The following EXPH5 variants were observed in gnomAD, a reference collection of about 807,000 sequenced individuals.
The protein encoded by EXPH5 is exophilin-5.
In EXPH5, 42 loss-of-function variants were observed where a neutral mutation model predicts 41.1. The ratio of observed to expected loss-of-function variants is 1.02; its 90% CI spans 0.80 to 1.32. The LOEUF is 1.32. EXPH5 is among the 40% of genes most tolerant of loss of function. The pLI is 0.00. For synonymous variants in EXPH5, 798 were observed against 833.5 expected, an observed-to-expected ratio of 0.96 and a Z score of 0.73; for missense variants, 2,298 against 2,314.5, an observed-to-expected ratio of 0.99 and a Z score of 0.15.
At chr11:108,563,121 G>A (rs996384505) in intron 1 of EXPH5, among the ~76,000 whole-genome samples, 3 of 152,230 alleles carry the variant, frequency 2.0e-5, no homozygotes, top group Admixed American at 2.0e-4. Flanking sequence ...GATCTGTGAG[G>A]AGGCTTTCTC....
chr11:108,537,987 A>G (rs2093890022), intron 3 of EXPH5: 2 of 985,392 alleles, frequency 2.0e-6, no homozygotes, highest in South Asian at 4.7e-5. Context: ...TTTCCTTGCT[A>G]GTGACTCTGG....
At chr11:108,571,966 C>T (rs908914294) in intron 1 of EXPH5, among the ~76,000 whole-genome samples, 5 of 151,546 alleles carry the variant, frequency 3.3e-5, no homozygotes, top group African/African-American at 4.9e-5. Context: ...GGAAAAAAGG[C>T]GTGAACCCGG....
intron 3 of EXPH5, among the ~76,000 whole-genome samples, chr11:108,537,415 T>C (rs937084961): frequency 5.9e-5 from 9 of 152,200 alleles, no homozygotes; most frequent in Non-Finnish European, 1.2e-4. Context: ...TAAAACGTAT[T>C]TGAAGATGAC....
rs1421926594 is a variant in EXPH5, at chr11:108,505,613, A to G, written c.*3924T>C. Reference sequence around the variant, plus strand: ...AGATATACAGAACTGCCAGTCACAAAGAGCCACTAAGTGGCAATACAGCCA... The same window carrying G: ...AGATATACAGAACTGCCAGTCACAAGGAGCCACTAAGTGGCAATACAGCCA... On this transcript the variant is annotated 3_prime_UTR_variant, in exon 6 of 6. Coordinates refer to ENST00000265843, the MANE Select transcript of EXPH5 (RefSeq NM_015065.3). The G allele has an allele frequency of 4.6e-5, 7 of 152,234 alleles. No homozygotes were observed. Among genetic ancestry groups the G allele is most frequent in the Admixed American group, 3.9e-4 (6 of 15,284 alleles). The allele number at this position is 152,234 out of a possible 1,614,324, so 9.4% of individuals were successfully genotyped here. A position where few individuals can be genotyped will look rare whatever the true frequency, so the allele number is the denominator to read the frequency against.
chr11:108,524,925 A>G (rs939301959), intron 4 of EXPH5, among the ~76,000 whole-genome samples: 2 of 152,176 alleles, frequency 1.3e-5, no homozygotes, highest in African/African-American at 2.4e-5. Context: ...TCCCCAACCA[A>G]ATCTCATCTT....
intron 4 of EXPH5, 89 bp from the exon 5 acceptor site, chr11:108,518,462 A>G (rs2093742243): frequency 1.7e-6 from 2 of 1,207,610 alleles, no homozygotes; most frequent in Non-Finnish European, 2.4e-6. Context: ...CCCAAGCTTA[A>G]AAGTATTAGT....
At chr11:108,565,042 A>C (rs961978114) in intron 1 of EXPH5, among the ~76,000 whole-genome samples, 1 of 151,430 alleles carries the variant, frequency 6.6e-6, no homozygotes, top group African/African-American at 2.4e-5. Context: ...AGTAGCTGGG[A>C]TCACAGGCAC....
intron 1 of EXPH5, among the ~76,000 whole-genome samples, chr11:108,542,735 T>G (rs2093919168): frequency 6.6e-6 from 1 of 152,224 alleles, no homozygotes; most frequent in Non-Finnish European, 1.5e-5. Flanking sequence ...TCATTATTTT[T>G]TGAGACAGAG....
chr11:108,579,114 C>A (rs1432066876), intron 1 of EXPH5, among the ~76,000 whole-genome samples: 1 of 152,076 alleles, frequency 6.6e-6, no homozygotes, highest in Admixed American at 6.5e-5. Context: ...AGTTTTCCCC[C>A]ACTCAGTATG....
chr11:108,579,916 G>A (rs1290268263), intron 1 of EXPH5, among the ~76,000 whole-genome samples: 3 of 152,060 alleles, frequency 2.0e-5, no homozygotes, highest in African/African-American at 7.2e-5. Context: ...AAAACTCTCA[G>A]GGAAGGGAAT....
rs1252847057 is a variant in EXPH5, at chr11:108,512,227, C to T, written c.3280G>A (p.Glu1094Lys). 5.0e-6 allele frequency: 8 copies of T among 1,607,878 alleles called. No homozygotes were observed. Among genetic ancestry groups the T allele is most frequent in the African/African-American group, 2.7e-5 (2 of 74,448 alleles). The change falls in exon 6 of 6, where the codon GAA becomes AAA. Residue 1094 changes from glutamate (E) to lysine (K), a missense_variant. Coordinates refer to ENST00000265843, the MANE Select transcript of EXPH5 (RefSeq NM_015065.3). ...VLSDSALEAP[E>K]ATERMTNVKS... is the part of the protein sequence containing the mutation. ...ACATTTGTCATTCTCTCTGTGGCTT[C>T]AGGTGCTTCCAGGGCTGAGTCTGAA...
Position 108,510,888 on chromosome 11 carries a change from A to G in EXPH5, c.4619T>C (p.Leu1540Ser), listed in dbSNP as rs753792351. Residue 1540 changes from leucine to serine, a missense_variant, in exon 6 of 6, where the codon TTA becomes TCA. By Grantham distance (145) the Leu-to-Ser change is moderately radical. Transcript: ENST00000265843. ...ATTTGCCTCCTGACTTCTTTGAGGT[A>G]ATTCTCTTGGTTCAGACTGCAGACT... ...LESLQSEPRE[L>S]PQRSQEANMT... The G allele has an allele frequency of 4.3e-6, 7 of 1,614,050 alleles. No homozygotes were observed. The African/African-American group carries it at 9.3e-5, about 22-fold the overall frequency.
At chr11:108,591,151 A>C (rs1000134416) in intron 1 of EXPH5, among the ~76,000 whole-genome samples, 2 of 152,238 alleles carry the variant, frequency 1.3e-5, no homozygotes, top group African/African-American at 4.8e-5. Context: ...TCTCTCAGAC[A>C]GGCCTGTTGA....
intron 1 of EXPH5, among the ~76,000 whole-genome samples, chr11:108,557,952 A>T (rs1282159973): frequency 1.3e-5 from 2 of 151,376 alleles, no homozygotes; most frequent in East Asian, 1.9e-4. Context: ...TTTATTTTTT[A>T]TTTTTTTTGA....
intron 1 of EXPH5, among the ~76,000 whole-genome samples, chr11:108,570,546 C>T (rs1196506137): frequency 6.6e-6 from 1 of 152,056 alleles, no homozygotes; most frequent in Non-Finnish European, 1.5e-5. Context: ...TGAGCCACTG[C>T]GCCTAGCTTA....
intron 2 of EXPH5, among the ~76,000 whole-genome samples, chr11:108,540,309 T>A (rs1334458681): frequency 2.6e-5 from 4 of 151,972 alleles, no homozygotes; most frequent in African/African-American, 9.7e-5. Context: ...TGTGACAGAG[T>A]GAGACTCCAT....
intron 3 of EXPH5, chr11:108,538,299 G>A (rs1802118203): frequency 3.1e-6 from 3 of 968,878 alleles, no homozygotes; most frequent in Admixed American, 6.2e-5. Context: ...TTGAAACCAG[G>A]AAGACATGCC....
At chr11:108,516,239 G>C (rs1315942478) in intron 5 of EXPH5, among the ~76,000 whole-genome samples, 1 of 152,112 alleles carries the variant, frequency 6.6e-6, no homozygotes, top group Non-Finnish European at 1.5e-5. Context: ...TCAGGGAGTG[G>C]TGTCAAAGTC....
chr11:108,571,975 G>T (rs540537381), intron 1 of EXPH5, among the ~76,000 whole-genome samples: 1 of 151,994 alleles, frequency 6.6e-6, no homozygotes, highest in African/African-American at 2.4e-5. Flanking sequence ...GCGTGAACCC[G>T]GGAGGCGGAG....
Sources: allele counts gnomAD v4.1 joint callset (sites outside exome capture counted in the v4.1 genomes callset), GRCh38; gene constraint gnomAD v4.1.1; transcripts MANE v1.5; gene names NCBI Gene and HGNC (gene_info 2026-07-23, HGNC 2026-07-21).